Variants in KCNJ6 observed in about 807,000 individuals in gnomAD.
KCNJ6 encodes the protein potassium inwardly rectifying channel subfamily J member 6.
Under a neutral mutation model 34.2 loss-of-function variants are expected in KCNJ6, and 9 were observed. The ratio of observed to expected loss-of-function variants is 0.26; its 90% confidence interval spans 0.16 to 0.46. The LOEUF (loss-of-function observed/expected upper bound fraction) is 0.46. Ranked by LOEUF, KCNJ6 falls within the 20% of genes least tolerant of loss-of-function variation. The pLI is 1.00. For missense variants in KCNJ6, 236 were observed against 531.3 expected (o/e 0.44, Z 5.46); for synonymous variants, 196 against 207.1 (o/e 0.95, Z 0.46).
At chr21:37,761,207 TTGTGTGTGTGTGTGCATGTCTG>T (rs1568838614) in intron 2 of KCNJ6, among the ~76,000 whole-genome samples, 1 of 150,166 alleles carries the variant, frequency 6.7e-6, no homozygotes, top group African/African-American at 2.5e-5. Context: ...TGTGTATGTA[TTGTGTGTGTGTGTGCATGTCTG>T]TGTGTGTGGT....
chr21:37,688,395 A>G (rs1393209409), intron 3 of KCNJ6, among the ~76,000 whole-genome samples: 1 of 151,608 alleles, frequency 6.6e-6, no homozygotes, highest in Non-Finnish European at 1.5e-5. Flanking sequence ...AATCTACTAC[A>G]TTCTAGATTC....
intron 2 of KCNJ6, among the ~76,000 whole-genome samples, chr21:37,746,530 T>A (rs2054968464): frequency 6.6e-6 from 1 of 152,196 alleles, no homozygotes; most frequent in African/African-American, 2.4e-5. Flanking sequence ...TTATCACCAT[T>A]GTTAAGATAG....
intron 2 of KCNJ6, among the ~76,000 whole-genome samples, chr21:37,831,489 CCTCAGTTA>C (rs2055425679): frequency 1.3e-5 from 2 of 152,124 alleles, no homozygotes; most frequent in East Asian, 3.9e-4. Context: ...AGGCTGAATC[CCTCAGTTA>C]CAAGTTGAGA....
At chr21:37,731,528 C>T (rs1436448474) in intron 2 of KCNJ6, among the ~76,000 whole-genome samples, 5 of 152,118 alleles carry the variant, frequency 3.3e-5, no homozygotes, top group Non-Finnish European at 7.3e-5. Context: ...TATTCCCTCC[C>T]CTTAATAAAT....
intron 3 of KCNJ6, among the ~76,000 whole-genome samples, chr21:37,650,146 C>T (rs2054426541): frequency 6.6e-6 from 1 of 152,132 alleles, no homozygotes; most frequent in African/African-American, 2.4e-5. Context: ...TTGATTCTGC[C>T]TGGTCCTTAG....
At chr21:37,740,184 T>G (rs1166012969) in intron 2 of KCNJ6, among the ~76,000 whole-genome samples, 3 of 152,228 alleles carry the variant, frequency 2.0e-5, no homozygotes, top group African/African-American at 4.8e-5. Flanking sequence ...AGTGGACTTC[T>G]TCCTTGGCCA....
At chr21:37,870,213 AC>A (rs1197020941) in intron 1 of KCNJ6, among the ~76,000 whole-genome samples, 5 of 83,340 alleles carry the variant, frequency 6.0e-5, no homozygotes, top group African/African-American at 1.4e-4. Context: ...TTTCCCACCC[AC>A]CCCCGCCCCC....
intron 3 of KCNJ6, among the ~76,000 whole-genome samples, chr21:37,651,633 C>T (rs2054434127): frequency 6.6e-6 from 1 of 152,174 alleles, no homozygotes. Context: ...AGGGAACATA[C>T]AAATTCCCTT....
Position 37,714,159 on chromosome 21 carries a change from G to A in KCNJ6, c.946+52C>T. 7.7e-7 allele frequency: 1 copy of A among 1,296,682 alleles called. No individual in the cohort carries two copies. Among genetic ancestry groups the A allele is most frequent in the Non-Finnish European group, 1.1e-6 (1 of 912,242 alleles). 80.3% of individuals were successfully genotyped at this position (1,296,682 alleles called of 1,614,324 possible). A position where few individuals can be genotyped will look rare whatever the true frequency, so the allele number is the denominator to read the frequency against. ...GTAATAGATAAGAACATCAGGTCCA[G>A]TTTAAAATGAGCATCTATCCCACAG... On this transcript the variant is annotated intron_variant, in intron 3 of 3. Transcript: ENST00000609713. This position sits in a 1 kb window ranked among gnomAD's most constrained non-coding sequence, Gnocchi z 5.9.
chr21:37,763,741 C>T (rs1256615873), intron 2 of KCNJ6, among the ~76,000 whole-genome samples: 1 of 152,126 alleles, frequency 6.6e-6, no homozygotes, highest in African/African-American at 2.4e-5. Context: ...TTGTTCAATT[C>T]CCACCTATGA....
chr21:37,717,932 A>C (rs2123455304), intron 2 of KCNJ6, among the ~76,000 whole-genome samples: 1 of 151,714 alleles, frequency 6.6e-6, no homozygotes, highest in Non-Finnish European at 1.5e-5. Flanking sequence ...TAAACTGCAA[A>C]CCCCCAGCTC....
chr21:37,914,836 G>A (rs1056753343), intron 1 of KCNJ6, among the ~76,000 whole-genome samples: 7 of 152,022 alleles, frequency 4.6e-5, no homozygotes, highest in African/African-American at 7.2e-5. Context: ...CCCCGGGACC[G>A]ACAGACTTTG....
intron 1 of KCNJ6, among the ~76,000 whole-genome samples, chr21:37,886,378 G>A (rs1325806226): frequency 1.3e-5 from 2 of 152,208 alleles, no homozygotes; most frequent in East Asian, 3.9e-4. Context: ...ACCACCTGCA[G>A]GTCCTTGCTG....
At chr21:37,904,517 A>G (rs977655244) in intron 1 of KCNJ6, among the ~76,000 whole-genome samples, 2 of 152,156 alleles carry the variant, frequency 1.3e-5, no homozygotes, top group African/African-American at 2.4e-5. Flanking sequence ...TAGAAGTTCT[A>G]TACTGACCCA....
chr21:37,839,233 G>A (rs935232693), intron 2 of KCNJ6, among the ~76,000 whole-genome samples: 1 of 152,108 alleles, frequency 6.6e-6, no homozygotes, highest in Non-Finnish European at 1.5e-5. Context: ...ACTACAGGTG[G>A]AAAAAAAGGA....
At chr21:37,898,728 T>C (rs1197056952) in intron 1 of KCNJ6, among the ~76,000 whole-genome samples, 1 of 152,224 alleles carries the variant, frequency 6.6e-6, no homozygotes, top group African/African-American at 2.4e-5. Flanking sequence ...CAATAAGACA[T>C]CTTCCCTTTC....
intron 2 of KCNJ6, among the ~76,000 whole-genome samples, chr21:37,722,089 T>C (rs2054829748): frequency 1.3e-5 from 2 of 150,446 alleles, no homozygotes; most frequent in Non-Finnish European, 2.9e-5. Flanking sequence ...GATAAACAAC[T>C]TCGGTAGAGT....
chr21:37,634,299 CCTCT>C (rs1569433918), intron 3 of KCNJ6, among the ~76,000 whole-genome samples: 2 of 147,418 alleles, frequency 1.4e-5, no homozygotes, highest in Non-Finnish European at 3.0e-5. Context: ...ACCTCCATCC[CCTCT>C]CTCTCTTCCT....
chr21:37,895,468 T>G (rs568482885), intron 1 of KCNJ6, among the ~76,000 whole-genome samples: 1 of 152,328 alleles, frequency 6.6e-6, no homozygotes, highest in South Asian at 2.1e-4. Context: ...CTTGCTTTAG[T>G]AAATCCTCCT....
Sources: gnomAD v4.1 joint callset for allele counts (sites outside exome capture counted in the v4.1 genomes callset) on GRCh38, gnomAD v4.1.1 for gene constraint, Gnocchi (gnomAD v3.1) non-coding constraint, MANE v1.5 for transcripts, NCBI Gene and HGNC (gene_info 2026-07-23, HGNC 2026-07-21) for gene names.